Variants in ATRNL1 observed in about 807,000 individuals in gnomAD.
ATRNL1 encodes attractin like 1.
ATRNL1 carries 95 observed loss-of-function variants against 182.7 expected under a neutral mutation model. The observed-to-expected ratio is 0.52, with a 90% CI of 0.44 to 0.62. The LOEUF (loss-of-function observed/expected upper bound fraction) is 0.62. ATRNL1 is among the 20% of genes least tolerant of loss of function. The pLI, the probability that ATRNL1 is intolerant of heterozygous loss-of-function variation, is 0.00. For synonymous variants in ATRNL1, 576 were observed against 568.3 expected, an observed-to-expected ratio of 1.01 and a Z score of -0.19; for missense variants, 1,471 against 1,679.5, an observed-to-expected ratio of 0.88 and a Z score of 2.17.
chr10:115,944,461 C>T (rs1482827147), intron 28 of ATRNL1, among the ~76,000 whole-genome samples, 197 bp from the exon 29 acceptor site: 1 of 152,084 alleles, frequency 6.6e-6, no homozygotes, highest in Admixed American at 6.6e-5. Context: ...GATCTTTCTT[C>T]TTCTTCCTTG....
chr10:115,594,232 C>T (rs183446805), intron 26 of ATRNL1, among the ~76,000 whole-genome samples: 1 of 152,138 alleles, frequency 6.6e-6, no homozygotes, highest in African/African-American at 2.4e-5. Context: ...CATATATATG[C>T]ATGATATCAT....
intron 26 of ATRNL1, among the ~76,000 whole-genome samples, chr10:115,678,609 T>C (rs1945944269): frequency 6.6e-6 from 1 of 152,126 alleles, no homozygotes; most frequent in Non-Finnish European, 1.5e-5. Context: ...GCAAATAGCA[T>C]GATAATAAGT....
intron 26 of ATRNL1, among the ~76,000 whole-genome samples, chr10:115,713,889 A>G (rs1947166571): frequency 6.6e-6 from 1 of 152,172 alleles, no homozygotes; most frequent in Admixed American, 6.5e-5. Context: ...TATGTGTACA[A>G]AGTACAAAAA....
chr10:115,145,540 A>G (rs926487289), intron 5 of ATRNL1, among the ~76,000 whole-genome samples: 1 of 152,184 alleles, frequency 6.6e-6, no homozygotes, highest in Admixed American at 6.5e-5. Context: ...TTTAAAATAG[A>G]CAAAAGTTAA....
At chr10:115,611,297 T>C (rs1421187837) in intron 26 of ATRNL1, among the ~76,000 whole-genome samples, 1 of 152,172 alleles carries the variant, frequency 6.6e-6, no homozygotes, top group Non-Finnish European at 1.5e-5. Flanking sequence ...TTACAAAATA[T>C]ATGCATTTCC....
At chr10:115,566,303 C>T (rs1231651392) in intron 26 of ATRNL1, among the ~76,000 whole-genome samples, 1 of 152,038 alleles carries the variant, frequency 6.6e-6, no homozygotes, top group Non-Finnish European at 1.5e-5. Flanking sequence ...TGTGTTATAT[C>T]ATTTAACATG....
chr10:115,889,620 T>C lies in ATRNL1; in HGVS notation c.4018+41629T>C, dbSNP rs140093187. 1.8e-3 allele frequency among the ~76,000 whole-genome samples: 269 copies of C among 152,320 alleles called. 1 individual carries two copies. Among genetic ancestry groups the C allele is most frequent in the African/African-American group, 5.8e-3 (240 of 41,570 alleles). Reference sequence around the variant, plus strand: ...CATAGACTGCTATACAGTCATTCTTTCAGCAATTCTGCAGTACAGGCATTC... The same window carrying C: ...CATAGACTGCTATACAGTCATTCTTCCAGCAATTCTGCAGTACAGGCATTC... On this transcript the variant is annotated intron_variant, in intron 28 of 28. Transcript: ENST00000355044.
At chr10:115,571,223 G>A (rs1045985601) in intron 26 of ATRNL1, among the ~76,000 whole-genome samples, 1 of 152,106 alleles carries the variant, frequency 6.6e-6, no homozygotes, top group African/African-American at 2.4e-5. Flanking sequence ...ACCTGCACCT[G>A]TATTATATTG....
chr10:115,577,851 AG>A (rs1854818659), intron 26 of ATRNL1, among the ~76,000 whole-genome samples: 1 of 151,616 alleles, frequency 6.6e-6, no homozygotes, highest in African/African-American at 2.4e-5. Flanking sequence ...CAAAGCTTTC[AG>A]TTTTTTCCCA....
At chr10:115,114,883 T>C (rs1271400909) in intron 1 of ATRNL1, among the ~76,000 whole-genome samples, 2 of 152,088 alleles carry the variant, frequency 1.3e-5, no homozygotes, top group African/African-American at 4.8e-5. Flanking sequence ...AGTCTGAGTA[T>C]ATATCCAAAG....
chr10:115,938,875 G>A (rs1406906605), intron 28 of ATRNL1, among the ~76,000 whole-genome samples: 2 of 152,048 alleles, frequency 1.3e-5, no homozygotes, highest in Non-Finnish European at 2.9e-5. Flanking sequence ...GAAAGGGAAG[G>A]TTTTGATCTA....
At chr10:115,533,291 G>T (rs1332745003) in intron 25 of ATRNL1, among the ~76,000 whole-genome samples, 1 of 152,146 alleles carries the variant, frequency 6.6e-6, no homozygotes, top group Non-Finnish European at 1.5e-5. Context: ...GGTGTTATTG[G>T]TCTATTCAGA....
At chr10:115,689,964 C>T (rs908252037) in intron 26 of ATRNL1, among the ~76,000 whole-genome samples, 5 of 152,108 alleles carry the variant, frequency 3.3e-5, no homozygotes, top group Admixed American at 1.3e-4. Context: ...AGTGTGCAGA[C>T]GGAAAGAAGG....
chr10:115,514,867 C>T (rs1850561152), intron 24 of ATRNL1, among the ~76,000 whole-genome samples: 1 of 151,762 alleles, frequency 6.6e-6, no homozygotes, highest in Non-Finnish European at 1.5e-5. Flanking sequence ...GAAAATTTTC[C>T]ATCTCAGTTC....
In ATRNL1 at chr10:115,281,408, A is replaced by G; in HGVS notation, c.2154A>G (p.Lys718=). 6.2e-7 allele frequency: 1 copy of G among 1,613,608 alleles called. No homozygotes were observed. Among genetic ancestry groups the G allele is most frequent in the African/African-American group, 1.3e-5 (1 of 75,022 alleles). Residue 718 remains lysine (K), a synonymous_variant, in exon 14 of 29, where the codon AAA becomes AAG. Coordinates refer to ENST00000355044, the MANE Select transcript of ATRNL1 (RefSeq NM_207303.4). The part of the protein sequence containing the change: ...CHVRNEQICN[K]LTSCKSCSLN... ...TGAGAAATGAGCAGATTTGTAACAA[A>G]CTTACCAGCTGTAAAAGCTGTTCAC...
intron 24 of ATRNL1, among the ~76,000 whole-genome samples, chr10:115,482,459 G>A (rs548657273): frequency 6.0e-5 from 9 of 150,940 alleles, no homozygotes; most frequent in Admixed American, 1.3e-4. Context: ...GTAATTTGAC[G>A]AGAATAAAAA....
chr10:115,606,534 T>C (rs1260719449), intron 26 of ATRNL1, among the ~76,000 whole-genome samples: 1 of 152,056 alleles, frequency 6.6e-6, no homozygotes, highest in African/African-American at 2.4e-5. Flanking sequence ...ATTTAATTTA[T>C]GAAAAAGAAA....
intron 20 of ATRNL1, among the ~76,000 whole-genome samples, chr10:115,400,676 A>G (rs886833972): frequency 1.3e-5 from 2 of 152,278 alleles, no homozygotes; most frequent in East Asian, 3.9e-4. Context: ...TACTGAATTG[A>G]ACCCTTTACC....
At chr10:115,319,356 A>G (rs181400937) in intron 18 of ATRNL1, among the ~76,000 whole-genome samples, 5 of 152,328 alleles carry the variant, frequency 3.3e-5, no homozygotes, top group Admixed American at 2.0e-4. Flanking sequence ...AGAATAATGT[A>G]TATTCTGTTG....
Sources: allele counts gnomAD v4.1 joint callset (sites outside exome capture counted in the v4.1 genomes callset), GRCh38; gene constraint gnomAD v4.1.1; transcripts MANE v1.5; gene names NCBI Gene and HGNC (gene_info 2026-07-23, HGNC 2026-07-21).